GLS2: variants seen among roughly 807,000 people sequenced by gnomAD.
GLS2 encodes glutaminase 2, also known as glutaminase liver isoform, mitochondrial.
Under a neutral mutation model 79.0 loss-of-function variants are expected in GLS2, and 52 were observed. That is an observed-to-expected ratio of 0.66 (90% CI 0.53 to 0.83). GLS2 has a LOEUF of 0.83. GLS2 is among the 40% of genes least tolerant of loss of function. The probability of loss-of-function intolerance (pLI) is 0.00; values close to 1 mark genes in which losing one functional copy is unlikely to be tolerated. For missense variants in GLS2, 561 were observed against 764.8 expected, an observed-to-expected ratio of 0.73 and a Z score of 3.14; for synonymous variants, 238 against 280.8, an observed-to-expected ratio of 0.85 and a Z score of 1.52.
At chr12:56,479,743 T>TG (rs1451250372) in intron 3 of GLS2, 37 bp downstream of exon 3, 23 of 1,569,910 alleles carry the variant, frequency 1.5e-5, no homozygotes, top group Non-Finnish European at 2.0e-5. Context: ...ACAGGACAGT[T>TG]TTCAGAGAGC....
At position 56,471,773 on chromosome 12, in the gene GLS2, C is replaced by G. The variant is rs1468098370; in HGVS notation, c.1652G>C (p.Arg551Thr). ...ACKVNPFAKDRWGNIPLDDAV... is the reference protein window; with the variant it reads ...ACKVNPFAKDTWGNIPLDDAV... Reference sequence around the variant, plus strand: ...CCTCCACTTTTAGCCTATTCCTCACCTGTCCTTGGCAAAAGGATTCACTTT... The same window carrying G: ...CCTCCACTTTTAGCCTATTCCTCACGTGTCCTTGGCAAAAGGATTCACTTT... Residue 551 changes from arginine to threonine, a missense_variant and splice_region_variant, in exon 17 of 18, where the codon AGG becomes ACG. Around this residue, in one of 4 missense-constraint regions of GLS2, gnomAD observed 136 missense variants for 228.6 expected, o/e 0.59. Transcript: ENST00000311966. 1.2e-6 allele frequency: 2 copies of G among 1,614,012 alleles called. No homozygotes were observed. The highest frequency in any genetic ancestry group is 1.3e-5 in the African/African-American group (1 of 74,902).
At chr12:56,483,315 G>A (rs1870444820) in intron 1 of GLS2, among the ~76,000 whole-genome samples, 1 of 151,806 alleles carries the variant, frequency 6.6e-6, no homozygotes, top group African/African-American at 2.4e-5. Flanking sequence ...TCCTGACCTT[G>A]TGATCCGCCT....
chr12:56,486,166 GCA>G (rs1870670117), intron 1 of GLS2, among the ~76,000 whole-genome samples: 2 of 152,230 alleles, frequency 1.3e-5, no homozygotes, highest in Admixed American at 1.3e-4. Flanking sequence ...CACTGCCAGA[GCA>G]CATCACTCTC....
At chr12:56,476,007 C>T in intron 7 of GLS2, 30 bp from the exon 8 acceptor site, 7 of 1,608,990 alleles carry the variant, frequency 4.4e-6, no homozygotes, top group Non-Finnish European at 5.9e-6. Flanking sequence ...TGTCAGCATT[C>T]TAAGTGTAGG....
intron 9 of GLS2, 63 bp downstream of exon 9, chr12:56,475,561 C>T (rs1869733036): frequency 6.5e-6 from 10 of 1,534,748 alleles, no homozygotes; most frequent in Non-Finnish European, 9.0e-6. Flanking sequence ...CCTCTTGTCC[C>T]CATCCTAAGT....
At chr12:56,472,821 C>T (rs906384806) in intron 14 of GLS2, 70 bp from the exon 15 acceptor site, 9 of 1,281,918 alleles carry the variant, frequency 7.0e-6, no homozygotes, top group Non-Finnish European at 1.0e-5. Flanking sequence ...TGTGACCCTC[C>T]TCCATGGATG....
intron 16 of GLS2, 31 bp from the exon 17 acceptor site, chr12:56,471,867 G>A: frequency 6.2e-7 from 1 of 1,608,416 alleles, no homozygotes; most frequent in East Asian, 2.2e-5. Flanking sequence ...AAAATGAGAA[G>A]GCGCAGGTCT....
chr12:56,473,540 TG>T lies in GLS2; in HGVS notation c.1278del (p.Asn427MetfsTer5). On this transcript the variant is annotated frameshift_variant, in exon 13 of 18. Coordinates refer to ENST00000311966, the MANE Select transcript of GLS2 (RefSeq NM_013267.4). LOFTEE classifies it high-confidence loss of function. ...GACAGGCACATCATTCCCATGACAT[TG>T]GGTACCACCAGGAGGATGGCTCCTG... ...AVSGAILLVV[P>X]NVMGMMCLSP... is the part of the protein sequence containing the mutation. The T allele has an allele frequency of 6.2e-7, 1 of 1,613,552 alleles. No homozygotes were observed. The highest frequency in any genetic ancestry group is 8.5e-7 in the Non-Finnish European group (1 of 1,180,024).
At chr12:56,473,825 T>C in intron 12 of GLS2, 1 of 493,740 alleles carries the variant, frequency 2.0e-6, no homozygotes, top group Non-Finnish European at 3.5e-6. Flanking sequence ...CTGTGCTAGA[T>C]GCTGTGCTAG....
At position 56,471,416 on chromosome 12, in the gene GLS2, T is replaced by G. The variant is rs1251872934; in HGVS notation, c.*71A>C. 11 of 1,481,248 alleles carry G rather than the reference T, an allele frequency of 7.4e-6. No homozygotes were observed. The highest frequency in any genetic ancestry group is 1.0e-5 in the Non-Finnish European group (11 of 1,098,956). The allele number at this position is 1,481,248 out of a possible 1,614,324, so 91.8% of individuals were successfully genotyped here. ...AGCAGTGTAGCTCTCCATAGTATTT[T>G]TGGTGGTTATGGATTACATGTGTGG... On this transcript the variant is annotated 3_prime_UTR_variant, in exon 18 of 18. Transcript: ENST00000311966.
Position 56,480,382 on chromosome 12 carries a change from G to C in GLS2, c.188C>G (p.Ser63Ter). Residue 63 changes from serine (S) to a stop codon, truncating the protein, a stop_gained, in exon 2 of 18, where the codon TCA (serine) becomes TGA (stop). Transcript: ENST00000311966. LOFTEE classifies it high-confidence loss of function. ...SHQPQHQDHD[S>*]SESGMLSRLG... ...GCGGGACAGCATGCCACTTTCTGAT[G>C]AATCACTGTTTGGGGGCAGAGAATG... 1 of 1,613,892 alleles carries C rather than the reference G, an allele frequency of 6.2e-7. No homozygotes were observed. Among genetic ancestry groups the C allele is most frequent in the South Asian group, 1.1e-5 (1 of 91,072 alleles).
intron 2 of GLS2, 50 bp from the exon 3 acceptor site, chr12:56,479,951 T>C (rs772223225): frequency 6.3e-7 from 1 of 1,593,028 alleles, no homozygotes; most frequent in South Asian, 1.1e-5. Context: ...GACAGTGATG[T>C]ACTCCTCATA....
Position 56,474,618 on chromosome 12 carries a change from C to T in GLS2, c.1150G>A (p.Glu384Lys), listed in dbSNP as rs771966240. 1 of 1,614,094 alleles carries T rather than the reference C, an allele frequency of 6.2e-7. No individual in the cohort carries two copies. The highest frequency in any genetic ancestry group is 2.2e-5 in the East Asian group (1 of 44,904). The change falls in exon 12 of 18, where the codon GAA (glutamate) becomes AAA (lysine). Residue 384 changes from glutamate to lysine, a missense_variant. By Grantham distance (56) the Glu-to-Lys change is moderately conservative (BLOSUM62 1). Coordinates refer to ENST00000311966, the MANE Select transcript of GLS2 (RefSeq NM_013267.4). ...PITGESVLSA[E>K]AVRNTLSLMH... ...AGGCTGAGGGTGTTGCGCACTGCTTCAGCACTCAGCACACTCTCGCCTGTG... is the reference window on the plus strand; with the variant it reads ...AGGCTGAGGGTGTTGCGCACTGCTTTAGCACTCAGCACACTCTCGCCTGTG...
Position 56,479,865 on chromosome 12 carries a change from G to A in GLS2, c.319C>T (p.Arg107Trp), listed in dbSNP as rs749070379. ...ATCTCGCTCATGCAGTCTCGGAGCC[G>A]AGGATCTGATGTCTGCAGTCCAGTG... The part of the protein sequence containing the change: ...KATGLQTSDP[R>W]LRDCMSEMHR... Residue 107 changes from arginine to tryptophan, a missense_variant, in exon 3 of 18, where the codon CGG becomes TGG. Transcript: ENST00000311966. 1.2e-6 allele frequency: 2 copies of A among 1,612,890 alleles called. No homozygotes were observed. Among genetic ancestry groups the A allele is most frequent in the Admixed American group, 1.7e-5 (1 of 59,986 alleles).
At chr12:56,477,743 G>C in intron 6 of GLS2, 25 bp from the exon 7 acceptor site, 1 of 1,603,570 alleles carries the variant, frequency 6.2e-7, no homozygotes, top group Admixed American at 1.7e-5. Context: ...ACCACCAAGA[G>C]TCTTAGCCAC....
intron 1 of GLS2, among the ~76,000 whole-genome samples, chr12:56,482,436 G>T (rs963748907): frequency 1.3e-5 from 2 of 152,152 alleles, no homozygotes. Context: ...TCAAAGTCCA[G>T]ATCAAATGTC....
intron 1 of GLS2, among the ~76,000 whole-genome samples, chr12:56,481,159 T>C (rs1425244897): frequency 6.6e-6 from 1 of 151,444 alleles, no homozygotes; most frequent in Non-Finnish European, 1.5e-5. Context: ...AGAGTTTTGC[T>C]CTTGTTGCCT....
Position 56,471,320 on chromosome 12 carries a change from G to A in GLS2, c.*167C>T, listed in dbSNP as rs1229266375. 7.4e-6 allele frequency: 5 copies of A among 672,742 alleles called. No homozygotes were observed. The highest frequency in any genetic ancestry group is 1.8e-5 in the African/African-American group (1 of 55,178). The allele number at this position is 672,742 out of a possible 1,614,324, so 41.7% of individuals were successfully genotyped here. A position where few individuals can be genotyped will look rare whatever the true frequency, so the allele number is the denominator to read the frequency against. ...CCTTCTCTGTACTCTGTCTGCTGAG[G>A]GAATGGGGTATTTTGACTCCCATAG... On this transcript the variant is annotated 3_prime_UTR_variant, in exon 18 of 18. Coordinates refer to ENST00000311966, the MANE Select transcript of GLS2 (RefSeq NM_013267.4).
At position 56,471,100 on chromosome 12, in the gene GLS2, T is replaced by C; in HGVS notation, c.*387A>G. The C allele has an allele frequency of 2.7e-6, 1 of 364,238 alleles. No individual in the cohort carries two copies. 22.6% of individuals were successfully genotyped at this position (364,238 alleles called of 1,614,324 possible). On this transcript the variant is annotated 3_prime_UTR_variant, in exon 18 of 18. Transcript: ENST00000311966. ...TGTATATAGCCATTCCCACTTCCCA[T>C]ATTCTGTGGATATGTACATGTGCAT...
Sources: allele counts gnomAD v4.1 joint callset (sites outside exome capture counted in the v4.1 genomes callset), GRCh38; gene constraint gnomAD v4.1.1; regional missense constraint gnomAD v4.1.1; transcripts MANE v1.5; gene names NCBI Gene and HGNC (gene_info 2026-07-23, HGNC 2026-07-21).